Variants in LRFN2 observed in about 807,000 individuals in gnomAD.
LRFN2 encodes leucine-rich repeat and fibronectin type-III domain-containing protein 2.
In LRFN2, 18 loss-of-function variants were observed where a neutral mutation model predicts 37.3. The observed-to-expected ratio is 0.48, with a 90% CI of 0.33 to 0.72. The LOEUF is 0.72. LRFN2 is among the 30% of genes least tolerant of loss of function. The pLI, the probability that LRFN2 is intolerant of heterozygous loss-of-function variation, is 0.02. For synonymous variants in LRFN2, 556 were observed against 466.6 expected, an observed-to-expected ratio of 1.19 and a Z score of -2.47; for missense variants, 1,006 against 1,060.7, an observed-to-expected ratio of 0.95 and a Z score of 0.72.
intron 1 of LRFN2, among the ~76,000 whole-genome samples, chr6:40,440,303 C>T (rs180782220): frequency 3.5e-4 from 54 of 152,262 alleles, no homozygotes; most frequent in Non-Finnish European, 6.3e-4. Flanking sequence ...CGTATTAGCA[C>T]GTCCGTGATA....
chr6:40,556,035 C>T (rs1199233848), intron 1 of LRFN2, among the ~76,000 whole-genome samples: 2 of 152,234 alleles, frequency 1.3e-5, no homozygotes, highest in African/African-American at 4.8e-5. Context: ...CTGTTCCAGG[C>T]ACACGCCGAC....
intron 2 of LRFN2, among the ~76,000 whole-genome samples, chr6:40,417,872 G>C (rs1487480943): frequency 6.6e-6 from 1 of 152,174 alleles, no homozygotes; most frequent in Non-Finnish European, 1.5e-5. Flanking sequence ...ACATTCAGGA[G>C]CAACAGGGTC....
At chr6:40,410,455 A>C (rs1330897291) in intron 2 of LRFN2, among the ~76,000 whole-genome samples, 7 of 152,168 alleles carry the variant, frequency 4.6e-5, no homozygotes, top group African/African-American at 1.7e-4. Context: ...CTCAAATCCC[A>C]TCTCCACAAT....
chr6:40,407,618 A>G (rs1762875871), intron 2 of LRFN2, among the ~76,000 whole-genome samples: 1 of 152,242 alleles, frequency 6.6e-6, no homozygotes, highest in African/African-American at 2.4e-5. Context: ...TCACTTGGAG[A>G]AAAAATGCAG....
At chr6:40,504,827 G>A (rs779460382) in intron 1 of LRFN2, among the ~76,000 whole-genome samples, 8 of 152,182 alleles carry the variant, frequency 5.3e-5, no homozygotes, top group Non-Finnish European at 1.0e-4. Flanking sequence ...TCACATGTGT[G>A]TGCGAGTTAC....
intron 1 of LRFN2, among the ~76,000 whole-genome samples, chr6:40,559,921 C>T (rs1464787114): frequency 2.6e-5 from 4 of 152,170 alleles, no homozygotes; most frequent in Admixed American, 1.3e-4. Flanking sequence ...CTCCCTCTTC[C>T]GTTCCCAGGC....
intron 1 of LRFN2, among the ~76,000 whole-genome samples, chr6:40,526,747 C>T (rs769710395): frequency 4.6e-5 from 7 of 152,184 alleles, no homozygotes; most frequent in Admixed American, 1.3e-4. Flanking sequence ...TCTCTTGTCC[C>T]TGCACACCCA....
chr6:40,473,323 G>A (rs1280534320), intron 1 of LRFN2, among the ~76,000 whole-genome samples: 1 of 152,200 alleles, frequency 6.6e-6, no homozygotes, highest in Non-Finnish European at 1.5e-5. Flanking sequence ...GAGACAGCGT[G>A]TGTCAGACTA....
chr6:40,458,539 T>C (rs1370031010), intron 1 of LRFN2, among the ~76,000 whole-genome samples: 2 of 152,166 alleles, frequency 1.3e-5, no homozygotes, highest in Admixed American at 6.5e-5. Context: ...AAGTCTCAGC[T>C]TTCTCCATTT....
chr6:40,414,745 C>A (rs545677143), intron 2 of LRFN2, among the ~76,000 whole-genome samples: 1 of 152,222 alleles, frequency 6.6e-6, no homozygotes, highest in African/African-American at 2.4e-5. Context: ...TTGGCCCCCC[C>A]AGGCGGGGTC....
At chr6:40,535,528 GT>G (rs1035586760) in intron 1 of LRFN2, among the ~76,000 whole-genome samples, 3 of 152,174 alleles carry the variant, frequency 2.0e-5, no homozygotes, top group African/African-American at 7.2e-5. Context: ...ACTGCAGCCT[GT>G]TGGAAAATGG....
rs201989762 is a variant in LRFN2 at position 40,432,949 on chromosome 6, C to A, written c.165G>T (p.Val55=). Reference sequence around the variant, plus strand: ...TGAAGTTGCCGCCCAGGCGCAGCTCCACTGTCCGCCGGTCAATATCAGGGG... The same window carrying A: ...TGAAGTTGCCGCCCAGGCGCAGCTCAACTGTCCGCCGGTCAATATCAGGGG... ...FVPPDIDRRT[V]ELRLGGNFII... The change falls in exon 2 of 3, where the codon GTG becomes GTT. Residue 55 remains valine (V), a synonymous_variant. Coordinates refer to ENST00000338305, the MANE Select transcript of LRFN2 (RefSeq NM_020737.3). 1.3e-4 allele frequency: 203 copies of A among 1,613,634 alleles called. No homozygotes were observed. Among genetic ancestry groups the A allele is most frequent in the Non-Finnish European group, 1.6e-4 (194 of 1,179,770 alleles).
chr6:40,579,511 CCAT>C (rs1767353282), intron 1 of LRFN2, among the ~76,000 whole-genome samples: 2 of 73,136 alleles, frequency 2.7e-5, no homozygotes, highest in South Asian at 1.3e-3. Flanking sequence ...CATATAATCA[CCAT>C]CATCATTATC....
intron 1 of LRFN2, among the ~76,000 whole-genome samples, chr6:40,509,931 T>C (rs1406036095): frequency 6.7e-6 from 1 of 149,256 alleles, no homozygotes; most frequent in Non-Finnish European, 1.5e-5. Flanking sequence ...CAGGGAACAC[T>C]GTGCTGTGCA....
At chr6:40,508,496 A>G (rs1364341227) in intron 1 of LRFN2, among the ~76,000 whole-genome samples, 1 of 152,134 alleles carries the variant, frequency 6.6e-6, no homozygotes, top group African/African-American at 2.4e-5. Context: ...GTGCCTGAAG[A>G]GGCTCTGCTC....
chr6:40,525,156 C>A (rs1373661948), intron 1 of LRFN2, among the ~76,000 whole-genome samples: 1 of 152,234 alleles, frequency 6.6e-6, no homozygotes, highest in Non-Finnish European at 1.5e-5. Context: ...GCTCTGCTGT[C>A]CCCCTCTGGG....
At chr6:40,459,153 G>A (rs1003801806) in intron 1 of LRFN2, among the ~76,000 whole-genome samples, 4 of 152,172 alleles carry the variant, frequency 2.6e-5, no homozygotes, top group Non-Finnish European at 5.9e-5. Flanking sequence ...GGAAAGCCAG[G>A]TCCCTGGACT....
At chr6:40,440,396 G>T (rs1274581322) in intron 1 of LRFN2, among the ~76,000 whole-genome samples, 1 of 152,190 alleles carries the variant, frequency 6.6e-6, no homozygotes, top group Non-Finnish European at 1.5e-5. Context: ...GGCAGGGATT[G>T]TATATTGCTC....
In LRFN2 at chr6:40,587,200, G is replaced by A. The variant is rs2113804169; in HGVS notation, c.-278C>T. 1 of 152,318 alleles carries A rather than the reference G, an allele frequency of 6.6e-6. No homozygotes were observed. The highest frequency in any genetic ancestry group is 1.9e-4 in the East Asian group (1 of 5,180). The allele number at this position is 152,318 out of a possible 1,614,324, so 9.4% of individuals were successfully genotyped here. Reference sequence around the variant, plus strand: ...GCACAACTTGTTCTCTTCTCTTCCAGATTAAAGAAAAATAATAATAATAAT... The same window carrying A: ...GCACAACTTGTTCTCTTCTCTTCCAAATTAAAGAAAAATAATAATAATAAT... On this transcript the variant is annotated 5_prime_UTR_variant, in exon 1 of 3. Transcript: ENST00000338305. This position sits in a 1 kb window ranked among gnomAD's most constrained non-coding sequence, Gnocchi z 4.2.
Sources: allele counts gnomAD v4.1 joint callset (sites outside exome capture counted in the v4.1 genomes callset), GRCh38; gene constraint gnomAD v4.1.1; non-coding constraint Gnocchi (gnomAD v3.1); transcripts MANE v1.5; gene names NCBI Gene and HGNC (gene_info 2026-07-23, HGNC 2026-07-21).